The following MDH1 variants were observed in gnomAD, a reference collection of about 807,000 sequenced individuals.
MDH1 encodes the protein malate dehydrogenase, cytoplasmic.
MDH1 carries 15 observed loss-of-function variants against 38.7 expected under a neutral mutation model. The ratio of observed to expected loss-of-function variants is 0.39; its 90% confidence interval spans 0.26 to 0.60. MDH1 has a LOEUF of 0.60. Ranked by LOEUF, MDH1 falls within the 20% of genes least tolerant of loss-of-function variation. The probability of loss-of-function intolerance (pLI) is 0.56; values close to 1 mark genes in which losing one functional copy is unlikely to be tolerated. For synonymous variants in MDH1, 144 were observed against 143.6 expected (o/e 1.00, Z -0.02); for missense variants, 368 against 405.2 (o/e 0.91, Z 0.79).
At chr2:63,593,070 A>G (rs1295974061) in intron 1 of MDH1, 1 of 153,012 alleles carries the variant, frequency 6.5e-6, no homozygotes, top group African/African-American at 2.4e-5. Context: ...TCTCTACACC[A>G]GTTGACACTT....
intron 5 of MDH1, among the ~76,000 whole-genome samples, chr2:63,600,428 T>C (rs1558861799): frequency 6.6e-6 from 1 of 152,212 alleles, no homozygotes; most frequent in Admixed American, 6.5e-5. Context: ...CAAACCCTTA[T>C]GTATGTTCTT....
intron 1 of MDH1, among the ~76,000 whole-genome samples, chr2:63,591,453 AG>A (rs1438115181): frequency 6.6e-6 from 1 of 152,260 alleles, no homozygotes; most frequent in Non-Finnish European, 1.5e-5. Context: ...ACTGTTCATT[AG>A]GTGGCCACAA....
At chr2:63,592,547 T>C (rs927158056) in intron 1 of MDH1, among the ~76,000 whole-genome samples, 4 of 152,194 alleles carry the variant, frequency 2.6e-5, no homozygotes, top group Non-Finnish European at 5.9e-5. Flanking sequence ...GGTTTCACTA[T>C]GTAGCCCAGG....
Position 63,605,366 on chromosome 2 carries a change from C to A in MDH1, c.762C>A (p.Val254=), listed in dbSNP as rs1187211729. 6.2e-7 allele frequency: 1 copy of A among 1,614,100 alleles called. No individual in the cohort carries two copies. The highest frequency in any genetic ancestry group is 2.2e-5 in the East Asian group (1 of 44,882). ...MSAAKAICDH[V]RDIWFGTPEG... ...CTGCAAAAGCCATCTGTGACCACGT[C>A]AGGGACATCTGGTTTGGAACCCCAG... The change falls in exon 7 of 9, where the codon GTC becomes GTA. Residue 254 remains valine (V), a synonymous_variant. Coordinates refer to ENST00000233114, the MANE Select transcript of MDH1 (RefSeq NM_005917.4).
intron 1 of MDH1, 75 bp from the exon 2 acceptor site, chr2:63,594,413 A>C: frequency 9.2e-7 from 1 of 1,082,572 alleles, no homozygotes; most frequent in Non-Finnish European, 1.4e-6. Flanking sequence ...TGGATTTCTT[A>C]CTATAGATTA....
At chr2:63,594,880 TG>T (rs1395006781) in intron 2 of MDH1, 1 of 301,990 alleles carries the variant, frequency 3.3e-6, no homozygotes, top group Admixed American at 4.8e-5. Context: ...TACAGTCATG[TG>T]GGAGAGAGTT....
chr2:63,605,487 G>T, intron 7 of MDH1, 94 bp downstream of exon 7: 1 of 909,450 alleles, frequency 1.1e-6, no homozygotes, highest in Non-Finnish European at 1.7e-6. Flanking sequence ...AGTCAGTCAG[G>T]TTAGGTTCAT....
At chr2:63,602,123 A>G (rs1322938887) in intron 5 of MDH1, among the ~76,000 whole-genome samples, 3 of 152,244 alleles carry the variant, frequency 2.0e-5, no homozygotes, top group Non-Finnish European at 2.9e-5. Flanking sequence ...TAGATCGGTC[A>G]AAAGTGATTT....
chr2:63,599,448 T>C (rs1709381241), intron 5 of MDH1, 156 bp downstream of exon 5: 1 of 695,050 alleles, frequency 1.4e-6, no homozygotes, highest in African/African-American at 1.8e-5. Flanking sequence ...TATTATTCAT[T>C]TGTTAGGGAG....
intron 5 of MDH1, among the ~76,000 whole-genome samples, chr2:63,602,347 G>GTTT (rs144884000): frequency 1.9e-5 from 2 of 104,000 alleles, no homozygotes; most frequent in African/African-American, 7.3e-5. Flanking sequence ...GTTGGTTGGG[G>GTTT]TTTTTTTTTT....
chr2:63,605,437 G>T (rs1709510217), intron 7 of MDH1, 44 bp downstream of exon 7: 1 of 1,331,038 alleles, frequency 7.5e-7, no homozygotes, highest in Non-Finnish European at 1.1e-6. Context: ...TTTTATTTTT[G>T]TTGCCTGATG....
chr2:63,593,129 T>C (rs1228251949), intron 1 of MDH1: 1 of 152,788 alleles, frequency 6.5e-6, no homozygotes, highest in Non-Finnish European at 1.5e-5. Flanking sequence ...AGAAGGAGTT[T>C]CGCTCTTGTT....
At chr2:63,599,421 T>C (rs1709380701) in intron 5 of MDH1, 129 bp downstream of exon 5, 1 of 906,246 alleles carries the variant, frequency 1.1e-6, no homozygotes, top group African/African-American at 1.7e-5. Context: ...ATTACTTTTA[T>C]TAAATTAAAA....
In MDH1 at chr2:63,605,920, G is replaced by A. The variant is rs747642739; in HGVS notation, c.790-19G>A. 6.2e-7 allele frequency: 1 copy of A among 1,601,604 alleles called. No homozygotes were observed. The highest frequency in any genetic ancestry group is 1.1e-5 in the South Asian group (1 of 90,818). On this transcript the variant is annotated intron_variant, in intron 7 of 8. Transcript: ENST00000233114. ...TGTAAACTAATCATCATGAGTATGT[G>A]AAACATTGTTATTTTCAGGGAGAGT...
At chr2:63,599,031 C>T (rs1575723384) in intron 4 of MDH1, 139 bp from the exon 5 acceptor site, 2 of 590,632 alleles carry the variant, frequency 3.4e-6, no homozygotes, top group Non-Finnish European at 2.7e-6. Context: ...ATGCATTTTC[C>T]TATGCTATAT....
chr2:63,605,672 AT>A, intron 7 of MDH1: 1 of 585,490 alleles, frequency 1.7e-6, no homozygotes, highest in South Asian at 2.1e-5. Flanking sequence ...GTAGGGGTGA[AT>A]TTTTTTCTTC....
At chr2:63,604,268 A>G (rs916690035) in intron 5 of MDH1, among the ~76,000 whole-genome samples, 1 of 152,244 alleles carries the variant, frequency 6.6e-6, no homozygotes, top group Non-Finnish European at 1.5e-5. Context: ...TTACCTAAAT[A>G]TAAAGTGCCT....
At chr2:63,595,963 G>C (rs999273764) in intron 3 of MDH1, among the ~76,000 whole-genome samples, 4 of 152,098 alleles carry the variant, frequency 2.6e-5, no homozygotes, top group African/African-American at 9.7e-5. Context: ...CTGGAAGTTG[G>C]TTGGTTCCTC....
intron 1 of MDH1, among the ~76,000 whole-genome samples, chr2:63,591,743 CTA>C (rs1709205376): frequency 6.6e-6 from 1 of 152,244 alleles, no homozygotes; most frequent in East Asian, 1.9e-4. Context: ...GCTTCATGGC[CTA>C]ATACAGAGCA....
Sources: allele counts gnomAD v4.1 joint callset (sites outside exome capture counted in the v4.1 genomes callset), GRCh38; gene constraint gnomAD v4.1.1; transcripts MANE v1.5; gene names NCBI Gene and HGNC (gene_info 2026-07-23, HGNC 2026-07-21).